The following PFKP variants were observed in gnomAD, a reference collection of about 807,000 sequenced individuals.
The protein encoded by PFKP is ATP-dependent 6-phosphofructokinase, platelet type.
Under a neutral mutation model 94.3 loss-of-function variants are expected in PFKP, and 101 were observed. The ratio of observed to expected loss-of-function variants is 1.07; its 90% CI spans 0.91 to 1.26. PFKP has a LOEUF of 1.26. Ranked by LOEUF, PFKP falls within the 50% of genes most tolerant of loss-of-function variation. PFKP has a pLI of 0.00. For missense variants in PFKP, 1,145 were observed against 1,103.3 expected (o/e 1.04, Z -0.53); for synonymous variants, 573 against 432.6 (o/e 1.32, Z -4.03).
chr10:3,124,564 A>G (rs1301709019), intron 16 of PFKP, among the ~76,000 whole-genome samples: 2 of 152,070 alleles, frequency 1.3e-5, no homozygotes, highest in African/African-American at 4.8e-5. Context: ...CGTGGGGCTG[A>G]GTGTGGCCCA....
At chr10:3,128,593 C>T (rs1372982657) in intron 16 of PFKP, among the ~76,000 whole-genome samples, 1 of 152,238 alleles carries the variant, frequency 6.6e-6, no homozygotes, top group East Asian at 1.9e-4. Flanking sequence ...TTCAGGTGCC[C>T]AGAGTTGCGG....
In PFKP at chr10:3,129,998, T is replaced by C. The variant is rs559383204; in HGVS notation, c.1848+15T>C. ...GGGATCTGCAGGTATGTGACGGGGC[T>C]GGCCTCAGGGCCCGTCCCCTTGGGA... On this transcript the variant is annotated intron_variant, in intron 17 of 21. Transcript: ENST00000381125. 78 of 1,558,652 alleles carry C rather than the reference T, an allele frequency of 5.0e-5. 1 individual carries two copies. In the Admixed American group the frequency reaches 1.4e-3, roughly 27 times the overall value.
At position 3,131,218 on chromosome 10, in the gene PFKP, CCAGA is replaced by C. The variant is rs375906375; in HGVS notation, c.1849-1159_1849-1156del. On this transcript the variant is annotated intron_variant, in intron 17 of 21. Transcript: ENST00000381125. Reference sequence around the variant, plus strand: ...CAATTGCCTGCAGTATTCAACAGTCCCAGACATTCAGGTTTGTAGCCAGGAACAA... The same window carrying C: ...CAATTGCCTGCAGTATTCAACAGTCCCATTCAGGTTTGTAGCCAGGAACAA... 5.5e-3 allele frequency among the ~76,000 whole-genome samples: 840 copies of C among 152,060 alleles called. 5 individuals carry two copies. Among genetic ancestry groups the C allele is most frequent in the Middle Eastern group, 0.037 (11 of 294 alleles).
In PFKP at chr10:3,113,170, G is replaced by A. The variant is rs760379001; in HGVS notation, c.1206G>A (p.Pro402=). ...ACAAGCGACTTGCCATCAAGCTGCCGGATGATCAGATCCCAAAGGTAGGTG... is the reference window on the plus strand; with the variant it reads ...ACAAGCGACTTGCCATCAAGCTGCCAGATGATCAGATCCCAAAGGTAGGTG... The part of the protein sequence containing the change: ...NTYKRLAIKL[P]DDQIPKTNCN... The change falls in exon 12 of 22, where the codon CCG becomes CCA. Residue 402 remains proline (P), a synonymous_variant. Transcript: ENST00000381125. The A allele has an allele frequency of 3.1e-5, 50 of 1,612,254 alleles. No individual in the cohort carries two copies. Among genetic ancestry groups the A allele is most frequent in the African/African-American group, 1.9e-4 (14 of 74,902 alleles).
chr10:3,104,047 G>T, intron 5 of PFKP, 103 bp downstream of exon 5: 1 of 1,043,182 alleles, frequency 9.6e-7, no homozygotes, highest in Non-Finnish European at 1.4e-6. Flanking sequence ...TGGGTGTCCT[G>T]GTGCTGGTCT....
chr10:3,107,721 A>T, intron 8 of PFKP: 1 of 977,636 alleles, frequency 1.0e-6, no homozygotes, highest in Non-Finnish European at 1.2e-6. Context: ...GCCCTCCCAT[A>T]ACCCAGAGCA....
At chr10:3,121,052 C>T (rs1225549568) in intron 16 of PFKP, among the ~76,000 whole-genome samples, 1 of 149,362 alleles carries the variant, frequency 6.7e-6, no homozygotes, top group Non-Finnish European at 1.5e-5. Context: ...TTATTTCTAG[C>T]ACTGGTAAAT....
chr10:3,132,360 AAC>A lies in PFKP; in HGVS notation c.1849-18_1849-17del, dbSNP rs765403196. 6 of 1,584,554 alleles carry A rather than the reference AAC, an allele frequency of 3.8e-6. No homozygotes were observed. The South Asian group carries it at 6.6e-5, about 18-fold the overall frequency. On this transcript the variant is annotated intron_variant, in intron 17 of 21. Coordinates refer to ENST00000381125, the MANE Select transcript of PFKP (RefSeq NM_002627.5). ...CTTAGTAGAAGTTTATTGTCTGATT[AAC>A]AAAATACTCTCTTCCAGTCCAACGT...
intron 17 of PFKP, among the ~76,000 whole-genome samples, chr10:3,130,383 G>A (rs532412498): frequency 3.3e-5 from 5 of 152,210 alleles, no homozygotes; most frequent in African/African-American, 4.8e-5. Context: ...GCCTCTAAAC[G>A]GACACAGACA....
At chr10:3,109,611 T>G in intron 10 of PFKP, 131 bp downstream of exon 10, 1 of 1,123,768 alleles carries the variant, frequency 8.9e-7, no homozygotes, top group Non-Finnish European at 1.3e-6. Context: ...GAGAAGGAGG[T>G]GAGCTGCCCG....
intron 2 of PFKP, 106 bp downstream of exon 2, chr10:3,082,567 A>C: frequency 1.4e-6 from 1 of 710,190 alleles, no homozygotes; most frequent in Non-Finnish European, 2.2e-6. Context: ...AGCACAGCCG[A>C]AGAGGTGGGC....
chr10:3,104,824 T>C (rs1357915563), intron 5 of PFKP: 4 of 496,286 alleles, frequency 8.1e-6, no homozygotes, highest in Admixed American at 3.7e-5. Context: ...GGCCGGGGAG[T>C]GTGAGTGTGT....
intron 4 of PFKP, 25 bp from the exon 5 acceptor site, chr10:3,103,754 G>T: frequency 6.2e-7 from 1 of 1,613,054 alleles, no homozygotes; most frequent in East Asian, 2.2e-5. Context: ...ACGGCGATGA[G>T]ACGTGCTGTT....
At position 3,070,533 on chromosome 10, in the gene PFKP, C is replaced by T. The variant is rs557291384; in HGVS notation, c.112+2826C>T. Among the ~76,000 whole-genome samples the T allele has an allele frequency of 2.6e-5, 4 of 152,226 alleles. No individual in the cohort carries two copies. The South Asian group carries it at 6.2e-4, about 24-fold the overall frequency. On this transcript the variant is annotated intron_variant, in intron 1 of 21. Coordinates refer to ENST00000381125, the MANE Select transcript of PFKP (RefSeq NM_002627.5). ...CGTATATTAAGATGATCATAGCTAC[C>T]ATTTGTTGAAAACATTTTGTATTCT...
rs141331919 is a variant in PFKP at position 3,105,429 on chromosome 10, G to A, written c.702G>A (p.Ala234=). ...LALVSALACG[A]DWVFLPESPP... The stretch of plus-strand genomic sequence containing the variant: ...TGGTGAGTGCCTTGGCCTGCGGTGC[G>A]GACTGGGTGTTCCTTCCAGAATCTC... The change falls in exon 7 of 22, where the codon GCG becomes GCA. Residue 234 remains alanine, a synonymous_variant. Transcript: ENST00000381125. 288 of 1,614,022 alleles carry A rather than the reference G, an allele frequency of 1.8e-4. 1 individual carries two copies. In the African/African-American group the frequency reaches 2.9e-3, roughly 16 times the overall value.
At chr10:3,130,793 G>A (rs927940208) in intron 17 of PFKP, among the ~76,000 whole-genome samples, 2 of 152,136 alleles carry the variant, frequency 1.3e-5, no homozygotes, top group South Asian at 2.1e-4. Flanking sequence ...TTCTGACCTC[G>A]TGATCTGCCC....
At chr10:3,113,088 A>C in intron 11 of PFKP, 31 bp from the exon 12 acceptor site, 1 of 1,601,826 alleles carries the variant, frequency 6.2e-7, no homozygotes, top group Non-Finnish European at 8.5e-7. Context: ...GGTATTCTCG[A>C]CTCCGGTCCA....
rs1042380270 is a variant in PFKP, at chr10:3,110,508, G to A, written c.1089+1028G>A. Among the ~76,000 whole-genome samples, 40 of 151,176 alleles carry A rather than the reference G, an allele frequency of 2.6e-4. 1 individual carries two copies. The highest frequency in any genetic ancestry group is 6.6e-4 in the Admixed American group (10 of 15,100). On this transcript the variant is annotated intron_variant, in intron 10 of 21. Coordinates refer to ENST00000381125, the MANE Select transcript of PFKP (RefSeq NM_002627.5). ...TGGGATTACAGGCATGAGCCACCAC[G>A]CCCAGCTGTTGTTTTATTTTTCAGA...
chr10:3,110,513 G>C (rs1836090030), intron 10 of PFKP, among the ~76,000 whole-genome samples: 1 of 152,012 alleles, frequency 6.6e-6, no homozygotes, highest in African/African-American at 2.4e-5. Context: ...ACCACGCCCA[G>C]CTGTTGTTTT....
Sources: gnomAD v4.1 joint callset for allele counts (sites outside exome capture counted in the v4.1 genomes callset) on GRCh38, gnomAD v4.1.1 for gene constraint, MANE v1.5 for transcripts, NCBI Gene and HGNC (gene_info 2026-07-23, HGNC 2026-07-21) for gene names.